CLVS1: variants seen among roughly 807,000 people sequenced by gnomAD.
The protein encoded by CLVS1 is clavesin 1, also known as clavesin-1.
CLVS1 carries 10 observed loss-of-function variants against 33.1 expected under a neutral mutation model. That is an observed-to-expected ratio of 0.30 (90% CI 0.19 to 0.51). CLVS1 has a LOEUF of 0.51. CLVS1 is among the 20% of genes least tolerant of loss of function. The pLI is 0.97. For missense variants in CLVS1, 343 were observed against 433.4 expected (o/e 0.79, Z 1.85); for synonymous variants, 163 against 166.1 (o/e 0.98, Z 0.14).
chr8:61,014,085 GTTTTTTT>G, the CLVS1 span, among the ~76,000 whole-genome samples: 1 of 126,818 alleles, frequency 7.9e-6, no homozygotes, highest in Non-Finnish European at 1.7e-5. Context: ...ACTTTTTAGT[GTTTTTTT>G]TTTTTTTTTT....
At chr8:61,406,625 G>A (rs59921186) in intron 3 of CLVS1, among the ~76,000 whole-genome samples, 5,104 of 151,770 alleles carry the variant, frequency 0.034, 133 homozygotes, top group African/African-American at 0.065. Context: ...TTGTGGGGGG[G>A]GGGATGGAGT....
rs370283615 is a variant in CLVS1 at position 61,429,235 on chromosome 8, C to T, written c.631-24906C>T. 5.3e-5 allele frequency among the ~76,000 whole-genome samples: 8 copies of T among 151,928 alleles called. 1 individual carries two copies. The highest frequency in any genetic ancestry group is 2.0e-4 in the Admixed American group (3 of 15,270). On this transcript the variant is annotated intron_variant, in intron 3 of 5. Transcript: ENST00000325897. Reference sequence around the variant, plus strand: ...AGGAGTTCAAGACCAGCCTGGCCAACATGGTGAAACCCTGTCTCTACTAAA... The same window carrying T: ...AGGAGTTCAAGACCAGCCTGGCCAATATGGTGAAACCCTGTCTCTACTAAA...
chr8:61,493,895 G>T (rs1301824429), intron 5 of CLVS1, among the ~76,000 whole-genome samples: 1 of 152,152 alleles, frequency 6.6e-6, no homozygotes, highest in African/African-American at 2.4e-5. Flanking sequence ...GAGGTTCCTT[G>T]TAGCTGGGTG....
At chr8:61,415,269 C>T (rs1013786217) in intron 3 of CLVS1, among the ~76,000 whole-genome samples, 1 of 152,234 alleles carries the variant, frequency 6.6e-6, no homozygotes, top group African/African-American at 2.4e-5. Context: ...AGGGGGCAGC[C>T]TCTGAGTGGT....
chr8:61,110,650 TC>T (rs1349163312), intron 1 of CLVS1, among the ~76,000 whole-genome samples: 1 of 152,188 alleles, frequency 6.6e-6, no homozygotes, highest in Non-Finnish European at 1.5e-5. Context: ...TAGAACTTTT[TC>T]ACCTTGCAAA....
intron 2 of CLVS1, among the ~76,000 whole-genome samples, chr8:61,154,144 G>A (rs988486644): frequency 6.6e-6 from 1 of 151,940 alleles, no homozygotes; most frequent in African/African-American, 2.4e-5. Flanking sequence ...CTGTAGTTTG[G>A]TCTTGCTTTG....
At chr8:61,356,241 A>G (rs1275906058) in intron 2 of CLVS1, among the ~76,000 whole-genome samples, 2 of 151,920 alleles carry the variant, frequency 1.3e-5, no homozygotes, top group East Asian at 3.9e-4. Flanking sequence ...CATATCCTTC[A>G]CCCAGTTTTT....
chr8:61,056,181 G>A (rs568432046), upstream of CLVS1, among the ~76,000 whole-genome samples: 119 of 152,336 alleles, frequency 7.8e-4, 1 homozygote, highest in Middle Eastern at 3.4e-3. Context: ...AGTAGTTTCT[G>A]CCTCCTGTGG....
chr8:61,387,223 A>G (rs1475936001), intron 3 of CLVS1, among the ~76,000 whole-genome samples: 2 of 152,058 alleles, frequency 1.3e-5, no homozygotes, highest in Admixed American at 1.3e-4. Flanking sequence ...CTCCATCTCT[A>G]CTAAAATACA....
At chr8:61,215,800 G>T (rs375521969) in intron 2 of CLVS1, among the ~76,000 whole-genome samples, 1 of 151,672 alleles carries the variant, frequency 6.6e-6, no homozygotes, top group Non-Finnish European at 1.5e-5. Flanking sequence ...GAATTTAATT[G>T]ACAATAGGAG....
intron 5 of CLVS1, among the ~76,000 whole-genome samples, chr8:61,459,203 G>C (rs2129607229): frequency 6.6e-6 from 1 of 152,190 alleles, no homozygotes; most frequent in East Asian, 1.9e-4. Flanking sequence ...GATGGGACTG[G>C]ACATGAAATA....
chr8:61,107,256 C>T (rs375819494), intron 1 of CLVS1, among the ~76,000 whole-genome samples: 1 of 152,194 alleles, frequency 6.6e-6, no homozygotes, highest in Non-Finnish European at 1.5e-5. Flanking sequence ...ACTGCCAAAT[C>T]GAACTGAATA....
intron 2 of CLVS1, among the ~76,000 whole-genome samples, chr8:61,247,817 T>G (rs28880041): frequency 0.023 from 3,526 of 152,304 alleles, 150 homozygotes; most frequent in African/African-American, 0.08. Flanking sequence ...AATTTGCTTT[T>G]GTTGCCATTG....
rs539724218 is a variant in CLVS1, at chr8:61,254,797, G to A, written c.-151-44880G>A. On this transcript the variant is annotated intron_variant, in intron 2 of 2. Coordinates refer to the CLVS1 transcript ENST00000522621. Reference sequence around the variant, plus strand: ...TGCAGTATTAGGGTGGGACTGACCCGATTTTCCAGGTGCCCTCTGTCACCC... The same window carrying A: ...TGCAGTATTAGGGTGGGACTGACCCAATTTTCCAGGTGCCCTCTGTCACCC... Among the ~76,000 whole-genome samples the A allele has an allele frequency of 7.0e-4, 106 of 152,284 alleles. 2 individuals carry two copies. Among genetic ancestry groups the A allele is most frequent in the African/African-American group, 2.3e-3 (96 of 41,566 alleles).
At chr8:61,123,527 GT>G (rs1805916108) in intron 1 of CLVS1, among the ~76,000 whole-genome samples, 2 of 152,150 alleles carry the variant, frequency 1.3e-5, no homozygotes, top group East Asian at 3.8e-4. Flanking sequence ...AATCAAGAAT[GT>G]TTTGGAGAAA....
intron 2 of CLVS1, among the ~76,000 whole-genome samples, chr8:61,341,373 G>A (rs1025121879): frequency 1.6e-4 from 25 of 152,232 alleles, no homozygotes; most frequent in African/African-American, 5.1e-4. Context: ...GCAGAAGAGC[G>A]CTCATTGTCC....
intron 3 of CLVS1, among the ~76,000 whole-genome samples, chr8:61,405,290 T>A (rs1814942847): frequency 6.6e-6 from 1 of 152,202 alleles, no homozygotes; most frequent in African/African-American, 2.4e-5. Context: ...CAAACCCAAG[T>A]CTGATTATCC....
chr8:61,312,148 G>A (rs1485954586), intron 2 of CLVS1, among the ~76,000 whole-genome samples: 1 of 152,194 alleles, frequency 6.6e-6, no homozygotes, highest in African/African-American at 2.4e-5. Flanking sequence ...ATACTGTAGA[G>A]CCGAGAAGGA....
At chr8:61,284,596 T>C (rs1209600321), upstream of CLVS1, among the ~76,000 whole-genome samples, 1 of 152,190 alleles carries the variant, frequency 6.6e-6, no homozygotes, top group African/African-American at 2.4e-5. Flanking sequence ...GTCTTGGTTA[T>C]TACTTGCTGC....
Sources: gnomAD v4.1 joint callset for allele counts (sites outside exome capture counted in the v4.1 genomes callset) on GRCh38, gnomAD v4.1.1 for gene constraint, MANE v1.5 for transcripts, NCBI Gene and HGNC (gene_info 2026-07-23, HGNC 2026-07-21) for gene names.